Variants in BCL11B observed in about 807,000 individuals in gnomAD.
BCL11B encodes the protein B-cell lymphoma/leukemia 11B.
BCL11B carries 8 observed loss-of-function variants against 49.9 expected under a neutral mutation model. The ratio of observed to expected loss-of-function variants is 0.16; its 90% CI spans 0.09 to 0.29. BCL11B has a LOEUF of 0.29. Among genes scored for constraint, BCL11B ranks in the 10% least tolerant of loss-of-function variants. BCL11B has a pLI of 1.00. For synonymous variants in BCL11B, 739 were observed against 637.4 expected (o/e 1.16, Z -2.40); for missense variants, 1,006 against 1,351.0 (o/e 0.74, Z 4.00).
rs1430964950 is a variant in BCL11B at position 99,247,210 on chromosome 14, GT to G, written c.427+10260del. 1.8e-4 allele frequency among the ~76,000 whole-genome samples: 28 copies of G among 152,194 alleles called. No individual in the cohort carries two copies. Among genetic ancestry groups the G allele is most frequent in the African/African-American group, 6.5e-4 (27 of 41,522 alleles). ...CCAGGTCAGGAAAATTATATACTTC[GT>G]TTTCCCAACAAATAAAGTCGCCTAG... On this transcript the variant is annotated intron_variant, in intron 2 of 3. Transcript: ENST00000357195. This position sits in a 1 kb window ranked among gnomAD's most constrained non-coding sequence, Gnocchi z 4.5.
intron 2 of BCL11B, among the ~76,000 whole-genome samples, chr14:99,235,667 CTTCT>C (rs1888474486): frequency 6.7e-6 from 1 of 149,504 alleles, no homozygotes; most frequent in African/African-American, 2.5e-5. Flanking sequence ...TTATCTTGGG[CTTCT>C]TTTTTTTTTC....
chr14:99,174,477 G>A lies in BCL11B; in HGVS notation c.2359C>T (p.Pro787Ser), dbSNP rs1482581611. 1.9e-6 allele frequency: 3 copies of A among 1,586,866 alleles called. No individual in the cohort carries two copies. Among genetic ancestry groups the A allele is most frequent in the Non-Finnish European group, 2.6e-6 (3 of 1,168,746 alleles). Reference sequence around the variant, plus strand: ...CTGCGGCGGCCCTCCTTGGAGCTGGGCCGCCCGGGGCCCGGGCCGCCCAGG... The same window carrying A: ...CTGCGGCGGCCCTCCTTGGAGCTGGACCGCCCGGGGCCCGGGCCGCCCAGG... ...PHLGGPGPGR[P>S]SSKEGRRSDT... Residue 787 changes from proline to serine, a missense_variant, in exon 4 of 4, where the codon CCC (proline) becomes TCC (serine). This residue lies in a region of BCL11B where 443 missense variants were observed against 499.7 expected (regional missense o/e 0.89). Transcript: ENST00000357195.
At chr14:99,253,751 T>C (rs369612017) in intron 2 of BCL11B, among the ~76,000 whole-genome samples, 47 of 152,174 alleles carry the variant, frequency 3.1e-4, no homozygotes, top group African/African-American at 1.1e-3. Context: ...TTGCAAAACC[T>C]GGAACACCTC....
At position 99,172,980 on chromosome 14, in the gene BCL11B, T is replaced by A. The variant is rs186709718; in HGVS notation, c.*1171A>T. On this transcript the variant is annotated 3_prime_UTR_variant, in exon 4 of 4. Coordinates refer to ENST00000357195, the MANE Select transcript of BCL11B (RefSeq NM_138576.4). ...ATCCCTACAATATCATCAGTGTGCA[T>A]TAAATGAGAGAACACTAACTTCAAT... is the stretch of plus-strand genomic sequence containing the variant. The A allele has an allele frequency of 2.1e-3, 335 of 156,508 alleles. No homozygotes were observed. Among genetic ancestry groups the A allele is most frequent in the Non-Finnish European group, 3.4e-3 (244 of 72,816 alleles). 9.7% of individuals were successfully genotyped at this position (156,508 alleles called of 1,614,324 possible).
rs1236926766 is a variant in BCL11B at position 99,184,752 on chromosome 14, A to G, written c.641-8557T>C. The stretch of plus-strand genomic sequence containing the variant: ...AAGCCAGCCCGGGAGGCCAAGCTGA[A>G]GGCCTTCGAGGGCAGGAAATGGCCC... On this transcript the variant is annotated intron_variant, in intron 3 of 3. Coordinates refer to ENST00000357195, the MANE Select transcript of BCL11B (RefSeq NM_138576.4). The surrounding 1 kb of genome is among the most constrained non-coding windows in gnomAD (Gnocchi z 6.1). 6.6e-6 allele frequency among the ~76,000 whole-genome samples: 1 copy of G among 152,210 alleles called. No homozygotes were observed. The highest frequency in any genetic ancestry group is 1.5e-5 in the Non-Finnish European group (1 of 68,036).
intron 2 of BCL11B, among the ~76,000 whole-genome samples, chr14:99,235,716 G>T (rs1351141895): frequency 1.3e-4 from 19 of 150,744 alleles, no homozygotes; most frequent in Non-Finnish European, 2.7e-4. Flanking sequence ...GGACAGCGGG[G>T]GGAAGGAGGT....
intron 3 of BCL11B, among the ~76,000 whole-genome samples, chr14:99,222,836 CCT>C (rs1888049380): frequency 6.6e-6 from 1 of 151,296 alleles, no homozygotes; most frequent in Non-Finnish European, 1.5e-5. Flanking sequence ...TCTTTATTTC[CCT>C]TTCTTTCTTT....
chr14:99,250,131 G>A (rs1888965045), intron 2 of BCL11B, among the ~76,000 whole-genome samples: 1 of 150,754 alleles, frequency 6.6e-6, no homozygotes, highest in Non-Finnish European at 1.5e-5. Flanking sequence ...CACCTCCTGG[G>A]TTCACACCAT....
chr14:99,269,129 G>A (rs1355543075), intron 1 of BCL11B, among the ~76,000 whole-genome samples: 3 of 152,006 alleles, frequency 2.0e-5, no homozygotes, highest in Non-Finnish European at 4.4e-5. Context: ...GCTTGGCAGT[G>A]CACCCCCATC....
Position 99,231,471 on chromosome 14 carries a change from G to A in BCL11B, c.514C>T (p.Arg172Cys), listed in dbSNP as rs557598154. The A allele has an allele frequency of 5.6e-5, 89 of 1,600,262 alleles. No individual in the cohort carries two copies. The highest frequency in any genetic ancestry group is 1.7e-4 in the Middle Eastern group (1 of 5,868). Residue 172 changes from arginine to cysteine, a missense_variant, in exon 3 of 4, where the codon CGT becomes TGT. Around this residue, in one of 6 missense-constraint regions of BCL11B, gnomAD observed 411 missense variants for 542.2 expected, o/e 0.76. Coordinates refer to ENST00000357195, the MANE Select transcript of BCL11B (RefSeq NM_138576.4). This position sits in a 1 kb window ranked among gnomAD's most constrained non-coding sequence, Gnocchi z 8.1. ...PHSSVITSPL[R>C]ALGALPPCLP... is the part of the protein sequence containing the mutation. Reference sequence around the variant, plus strand: ...CAGGGCGGGAGAGCGCCCAGGGCACGCAGAGGTGAAGTGATCACGGATGAG... The same window carrying A: ...CAGGGCGGGAGAGCGCCCAGGGCACACAGAGGTGAAGTGATCACGGATGAG...
chr14:99,174,190 C>A lies in BCL11B; in HGVS notation c.2646G>T (p.Leu882=), dbSNP rs764796654. The A allele has an allele frequency of 1.2e-6, 2 of 1,613,678 alleles. No individual in the cohort carries two copies. Among genetic ancestry groups the A allele is most frequent in the Non-Finnish European group, 1.7e-6 (2 of 1,180,018 alleles). The stretch of plus-strand genomic sequence containing the variant: ...CCTGCTCGATTTTGACGTCGTTAGT[C>A]AGCAAGTGCTCGCCGTGCCACTTTT... The part of the protein sequence containing the change: ...HMKKWHGEHL[L]TNDVKIEQAE... The change falls in exon 4 of 4, where the codon CTG becomes CTT. Residue 882 remains leucine, a synonymous_variant. Coordinates refer to ENST00000357195, the MANE Select transcript of BCL11B (RefSeq NM_138576.4).
chr14:99,244,946 T>C (rs1888781724), intron 2 of BCL11B, among the ~76,000 whole-genome samples: 1 of 152,230 alleles, frequency 6.6e-6, no homozygotes, highest in Admixed American at 6.5e-5. Context: ...CTGGTTTAGA[T>C]TTATTTCTGA....
intron 3 of BCL11B, among the ~76,000 whole-genome samples, chr14:99,196,171 C>A (rs1887173262): frequency 6.6e-6 from 1 of 152,136 alleles, no homozygotes. Context: ...CAAAGGCAAA[C>A]ACCATCTCCC....
At chr14:99,249,940 C>G (rs1888956343) in intron 2 of BCL11B, among the ~76,000 whole-genome samples, 1 of 151,698 alleles carries the variant, frequency 6.6e-6, no homozygotes, top group Non-Finnish European at 1.5e-5. Context: ...CCAGCCTGGC[C>G]AACATGGCAA....
rs1216488923 is a variant in BCL11B, at chr14:99,271,305, T to TGCC, written c.-90_-88dup. The TGCC allele has an allele frequency of 2.2e-5, 19 of 851,020 alleles. No individual in the cohort carries two copies. The African/African-American group carries it at 3.1e-4, about 14-fold the overall frequency. 52.7% of individuals were successfully genotyped at this position (851,020 alleles called of 1,614,324 possible). A position where few individuals can be genotyped will look rare whatever the true frequency, so the allele number is the denominator to read the frequency against. On this transcript the variant is annotated 5_prime_UTR_variant, in exon 1 of 4. Coordinates refer to ENST00000357195, the MANE Select transcript of BCL11B (RefSeq NM_138576.4). ...GGGGTCCGAGCCGCCGCCGCGCCGC[T>TGCC]GCCGCCGCTGCCGCCGCCGCCGCCG...
chr14:99,257,623 G>A lies in BCL11B; in HGVS notation c.275C>T (p.Ala92Val). ...GGSLGACYDK[A>V]LDKDSPPPSS... The stretch of plus-strand genomic sequence containing the variant: ...GGGTGGCGGGCTGTCCTTGTCCAGG[G>A]CCTTGTCATAGCAGGCACCCAAGCT... Residue 92 changes from alanine (A) to valine (V), a missense_variant, in exon 2 of 4, where the codon GCC (alanine) becomes GTC (valine). Coordinates refer to ENST00000357195, the MANE Select transcript of BCL11B (RefSeq NM_138576.4). The surrounding 1 kb of genome is among the most constrained non-coding windows in gnomAD (Gnocchi z 6.2). The A allele has an allele frequency of 1.2e-6, 2 of 1,613,850 alleles. No homozygotes were observed. The highest frequency in any genetic ancestry group is 2.2e-5 in the South Asian group (2 of 91,072).
At chr14:99,256,308 G>C (rs1889162418) in intron 2 of BCL11B, among the ~76,000 whole-genome samples, 2 of 152,200 alleles carry the variant, frequency 1.3e-5, no homozygotes, top group Non-Finnish European at 2.9e-5. Context: ...AAACCTCTGA[G>C]AGAGAAGTGC....
In BCL11B at chr14:99,231,646, T is replaced by A; in HGVS notation, c.428-89A>T. On this transcript the variant is annotated intron_variant, in intron 2 of 3. Coordinates refer to ENST00000357195, the MANE Select transcript of BCL11B (RefSeq NM_138576.4). The surrounding 1 kb of genome is among the most constrained non-coding windows in gnomAD (Gnocchi z 8.1). ...TGGGACGGGGCTCGGGGCGTGGGGC[T>A]CTGCTCAGGCCACCCTTCGGGGGTG... 7.3e-7 allele frequency: 1 copy of A among 1,366,668 alleles called. No individual in the cohort carries two copies. The allele number at this position is 1,366,668 out of a possible 1,614,324, so 84.7% of individuals were successfully genotyped here.
chr14:99,189,625 G>A (rs980237958), intron 3 of BCL11B, among the ~76,000 whole-genome samples: 39 of 152,206 alleles, frequency 2.6e-4, no homozygotes, highest in African/African-American at 9.4e-4. Flanking sequence ...TCACAACGCT[G>A]GCTCCAGCCT....
Sources: gnomAD v4.1 joint callset for allele counts (sites outside exome capture counted in the v4.1 genomes callset) on GRCh38, gnomAD v4.1.1 for gene constraint, gnomAD v4.1.1 regional missense constraint, Gnocchi (gnomAD v3.1) non-coding constraint, MANE v1.5 for transcripts, NCBI Gene and HGNC (gene_info 2026-07-23, HGNC 2026-07-21) for gene names.